Variants in EPYC observed in about 807,000 individuals in gnomAD.
EPYC encodes epiphycan, also known as dermatan sulfate proteoglycan 3.
In EPYC, 28 loss-of-function variants were observed where a neutral mutation model predicts 30.1. That is an observed-to-expected ratio of 0.93 (90% CI 0.69 to 1.28). The LOEUF is 1.28. Among genes scored for constraint, EPYC ranks in the 50% most tolerant of loss-of-function variants. EPYC has a pLI of 0.00. For missense variants in EPYC, 382 were observed against 383.5 expected, an observed-to-expected ratio of 1.00 and a Z score of 0.03; for synonymous variants, 144 against 141.4, an observed-to-expected ratio of 1.02 and a Z score of -0.13.
rs377503392 is a variant in EPYC at position 91,002,539 on chromosome 12, C to G, written c.27G>C (p.Leu9=). The change falls in exon 2 of 7, where the codon CTG becomes CTC. Residue 9 remains leucine, a synonymous_variant. Transcript: ENST00000261172. ...CAGCAGCATCAAAGATGACAAGTCC[C>G]AGAACAAGTCCTGCTAATGTCTTCA... The part of the protein sequence containing the change: MKTLAGLV[L]GLVIFDAAVT... The G allele has an allele frequency of 1.4e-5, 22 of 1,612,200 alleles. No homozygotes were observed. In the African/African-American group the frequency reaches 2.1e-4, roughly 16 times the overall value.
chr12:90,969,017 A>T (rs943326844), intron 6 of EPYC, among the ~76,000 whole-genome samples: 4 of 150,964 alleles, frequency 2.6e-5, no homozygotes, highest in Admixed American at 6.6e-5. Flanking sequence ...ATATATATAT[A>T]GTGTGTGTAT....
At chr12:90,971,490 C>T (rs905534578) in intron 5 of EPYC, among the ~76,000 whole-genome samples, 18 of 151,866 alleles carry the variant, frequency 1.2e-4, no homozygotes, top group African/African-American at 4.1e-4. Flanking sequence ...GGAAATATGG[C>T]GAAACCATGT....
chr12:90,977,254 A>G (rs1877208769), intron 3 of EPYC, among the ~76,000 whole-genome samples: 1 of 152,140 alleles, frequency 6.6e-6, no homozygotes, highest in Non-Finnish European at 1.5e-5. Flanking sequence ...ATATAAAAGT[A>G]TTCCAGTGTG....
chr12:90,982,635 A>G (rs1877348529), intron 2 of EPYC, among the ~76,000 whole-genome samples: 1 of 151,830 alleles, frequency 6.6e-6, no homozygotes, highest in Admixed American at 6.6e-5. Flanking sequence ...ACATTTCCCC[A>G]TTTCCCTCTT....
chr12:91,001,209 G>A (rs1877814385), intron 2 of EPYC, among the ~76,000 whole-genome samples: 1 of 151,950 alleles, frequency 6.6e-6, no homozygotes, highest in Non-Finnish European at 1.5e-5. Flanking sequence ...TCTGACTCTT[G>A]TATTCATAAG....
rs536549156 is a variant in EPYC at position 90,970,012 on chromosome 12, C to A, written c.798+32G>T. 2.4e-5 allele frequency: 37 copies of A among 1,528,806 alleles called. 1 individual carries two copies. In the South Asian group the frequency reaches 3.6e-4, roughly 15 times the overall value. The allele number at this position is 1,528,806 out of a possible 1,614,324, so 94.7% of individuals were successfully genotyped here. A position where few individuals can be genotyped will look rare whatever the true frequency, so the allele number is the denominator to read the frequency against. On this transcript the variant is annotated intron_variant, in intron 6 of 6. Coordinates refer to ENST00000261172, the MANE Select transcript of EPYC (RefSeq NM_004950.5). ...CTTTTTGGCTTTGCTTTCTCTGAAG[C>A]CCTTGGGCGCACCTTACTGGTAGAC... is the stretch of plus-strand genomic sequence containing the variant.
At chr12:90,969,536 A>AG (rs897426584) in intron 6 of EPYC, among the ~76,000 whole-genome samples, 3 of 151,140 alleles carry the variant, frequency 2.0e-5, no homozygotes, top group Non-Finnish European at 3.0e-5. Context: ...AAAAAAAAAA[A>AG]CCTGCACTTT....
At chr12:90,964,723 C>G (rs1876852760) in intron 6 of EPYC, among the ~76,000 whole-genome samples, 1 of 152,038 alleles carries the variant, frequency 6.6e-6, no homozygotes, top group Non-Finnish European at 1.5e-5. Context: ...ATTCTAGGCA[C>G]AGAGAACATC....
At chr12:91,001,190 T>C (rs1020846320) in intron 2 of EPYC, among the ~76,000 whole-genome samples, 8 of 152,128 alleles carry the variant, frequency 5.3e-5, no homozygotes, top group Non-Finnish European at 1.0e-4. Context: ...ATCTATCACA[T>C]TGTGAAAATC....
Position 90,970,130 on chromosome 12 carries a change from C to G in EPYC, c.712G>C (p.Asp238His), listed in dbSNP as rs754677179. The change falls in exon 6 of 7, where the codon GAT (aspartate) becomes CAT (histidine). Residue 238 changes from aspartate (D) to histidine (H), a missense_variant. By Grantham distance (81) the Asp-to-His change is moderately conservative. Transcript: ENST00000261172. ...IKQEAFKDMY[D>H]LHHLYLTDNN... ...TCAGTGAGGTACAGATGATGGAGAT[C>G]ATACATGTCCTGTAAACATTCCAAA... 1 of 1,611,788 alleles carries G rather than the reference C, an allele frequency of 6.2e-7. No individual in the cohort carries two copies. The highest frequency in any genetic ancestry group is 2.2e-5 in the East Asian group (1 of 44,838).
intron 1 of EPYC, among the ~76,000 whole-genome samples, chr12:91,004,507 T>C (rs576292985): frequency 2.6e-5 from 4 of 152,210 alleles, no homozygotes. Context: ...AAACTTTCAA[T>C]ATATAGCTCA....
chr12:90,968,915 T>C (rs1876965510), intron 6 of EPYC, among the ~76,000 whole-genome samples: 1 of 151,434 alleles, frequency 6.6e-6, no homozygotes, highest in South Asian at 2.1e-4. Flanking sequence ...TCAAACCAAA[T>C]GGCTAGAAAA....
intron 2 of EPYC, 125 bp from the exon 3 acceptor site, chr12:90,978,387 T>C (rs1877245158): frequency 2.3e-6 from 2 of 854,976 alleles, no homozygotes; most frequent in Non-Finnish European, 3.4e-6. Context: ...TAAAGTTCAA[T>C]AGTTTGACCA....
In EPYC at chr12:90,993,760, T is replaced by C. The variant is rs546566625; in HGVS notation, c.165+8641A>G. 3.3e-5 allele frequency among the ~76,000 whole-genome samples: 5 copies of C among 151,402 alleles called. No individual in the cohort carries two copies. The South Asian group carries it at 8.3e-4, about 25-fold the overall frequency. The stretch of plus-strand genomic sequence containing the variant: ...TTATATGTAATACATTTATTATGTA[T>C]AATATTTTGAGATAAAATTATTGAA... On this transcript the variant is annotated intron_variant, in intron 2 of 6. Coordinates refer to ENST00000261172, the MANE Select transcript of EPYC (RefSeq NM_004950.5).
intron 2 of EPYC, among the ~76,000 whole-genome samples, chr12:90,980,382 C>A (rs1877297539): frequency 6.6e-6 from 1 of 152,054 alleles, no homozygotes; most frequent in Admixed American, 6.6e-5. Flanking sequence ...AACATAAATG[C>A]AATACAACTT....
In EPYC at chr12:90,964,314, G is replaced by T. The variant is rs1462769958; in HGVS notation, c.811C>A (p.Leu271Met). The T allele has an allele frequency of 6.2e-7, 1 of 1,605,434 alleles. No homozygotes were observed. The highest frequency in any genetic ancestry group is 1.7e-5 in the Admixed American group (1 of 59,778). The change falls in exon 7 of 7, where the codon CTG becomes ATG. Residue 271 changes from leucine to methionine, a missense_variant. By Grantham distance (15) the Leu-to-Met change is conservative. Coordinates refer to ENST00000261172, the MANE Select transcript of EPYC (RefSeq NM_004950.5). ...CAGAACGTATCTTCGTGCATTTCCAGAATGTTGTTATTCTAAAAAAGATGA... is the reference window on the plus strand; with the variant it reads ...CAGAACGTATCTTCGTGCATTTCCATAATGTTGTTATTCTAAAAAAGATGA... ...RALHLQNNNI[L>M]EMHEDTFCNV...
chr12:90,968,226 A>C (rs1228426279), intron 6 of EPYC, among the ~76,000 whole-genome samples: 2 of 152,166 alleles, frequency 1.3e-5, no homozygotes, highest in African/African-American at 4.8e-5. Flanking sequence ...TATGTGATAG[A>C]TATGTGTTGT....
chr12:90,993,122 T>C (rs1330715903), intron 2 of EPYC, among the ~76,000 whole-genome samples: 1 of 152,192 alleles, frequency 6.6e-6, no homozygotes, highest in Non-Finnish European at 1.5e-5. Flanking sequence ...TGATCCCTTT[T>C]CTCACTCCTA....
rs1328343259 is a variant in EPYC, at chr12:90,971,702, A to ATAAATAAG, written c.702+97_702+98insCTTATTTA. 9.7e-6 allele frequency: 4 copies of ATAAATAAG among 410,274 alleles called. No homozygotes were observed. The Admixed American group carries it at 1.4e-4, about 15-fold the overall frequency. 25.4% of individuals were successfully genotyped at this position (410,274 alleles called of 1,614,324 possible). Reference sequence around the variant, plus strand: ...AATAAATAAATAAATAAATAAATAAATAAATAAATTTATTTTCCCTACACG... The same window carrying ATAAATAAG: ...AATAAATAAATAAATAAATAAATAAATAAATAAGTAAATAAATTTATTTTCCCTACACG... On this transcript the variant is annotated intron_variant, in intron 5 of 6. Transcript: ENST00000261172.
Sources: allele counts gnomAD v4.1 joint callset (sites outside exome capture counted in the v4.1 genomes callset), GRCh38; gene constraint gnomAD v4.1.1; transcripts MANE v1.5; gene names NCBI Gene and HGNC (gene_info 2026-07-23, HGNC 2026-07-21).